ADAP1: variants seen among roughly 807,000 people sequenced by gnomAD.
The protein encoded by ADAP1 is arf-GAP with dual PH domain-containing protein 1.
In ADAP1, 31 loss-of-function variants were observed where a neutral mutation model predicts 54.9. The observed-to-expected ratio is 0.56, with a 90% CI of 0.42 to 0.76. The LOEUF is 0.76. Ranked by LOEUF, ADAP1 falls within the 30% of genes least tolerant of loss-of-function variation. ADAP1 has a pLI of 0.00. For synonymous variants in ADAP1, 313 were observed against 202.6 expected, an observed-to-expected ratio of 1.55 and a Z score of -4.63; for missense variants, 535 against 512.4, an observed-to-expected ratio of 1.04 and a Z score of -0.42.
Position 951,321 on chromosome 7 carries a change from C to T in ADAP1, c.82+3075G>A, listed in dbSNP as rs576759606. Among the ~76,000 whole-genome samples the T allele has an allele frequency of 8.0e-5, 12 of 150,388 alleles. No individual in the cohort carries two copies. The East Asian group carries it at 2.2e-3, about 27-fold the overall frequency. ...CTGGGAGGGGGAGCTTGCAGTGAGC[C>T]GAGATCGCACCACTGCAGTCCAGCC... On this transcript the variant is annotated intron_variant, in intron 1 of 10. Transcript: ENST00000265846.
intron 4 of ADAP1, among the ~76,000 whole-genome samples, chr7:905,926 GAAAGGAGA>G (rs1845257703): frequency 0.056 from 13 of 232 alleles, 6 homozygotes; most frequent in South Asian, 0.33. Context: ...GAGAAAGGGA[GAAAGGAGA>G]AAGGGAGAAA....
chr7:906,797 A>ATGGGTGACACG lies in ADAP1; in HGVS notation c.389-1626_389-1625insCGTGTCACCCA, dbSNP rs879621135. Among the ~76,000 whole-genome samples the ATGGGTGACACG allele has an allele frequency of 9.4e-4, 35 of 37,336 alleles. 1 individual carries two copies. The highest frequency in any genetic ancestry group is 2.6e-3 in the African/African-American group (20 of 7,628). The allele number at this position is 37,336 out of a possible 152,430, so 24.5% of individuals were successfully genotyped here. A position where few individuals can be genotyped will look rare whatever the true frequency, so the allele number is the denominator to read the frequency against. On this transcript the variant is annotated intron_variant, in intron 4 of 10. Coordinates refer to ENST00000265846, the MANE Select transcript of ADAP1 (RefSeq NM_006869.4). ...GGACAGGGGACACGGGGGACGGGAC[A>ATGGGTGACACG]GGGGACATGGGGGGACATGGGTCAG...
intron 2 of ADAP1, among the ~76,000 whole-genome samples, chr7:928,878 A>G (rs998682932): frequency 6.6e-6 from 1 of 152,270 alleles, no homozygotes; most frequent in African/African-American, 2.4e-5. Flanking sequence ...AGACATGCAC[A>G]TGAGTGTTCA....
intron 2 of ADAP1, among the ~76,000 whole-genome samples, chr7:930,515 A>AT (rs1846539063): frequency 4.1e-5 from 6 of 145,704 alleles, no homozygotes; most frequent in African/African-American, 7.5e-5. Context: ...ATCACTACAA[A>AT]ATTTTTTTTT....
chr7:922,213 C>T (rs770408779), intron 3 of ADAP1, among the ~76,000 whole-genome samples: 5 of 152,182 alleles, frequency 3.3e-5, no homozygotes, highest in African/African-American at 1.2e-4. Flanking sequence ...GACGGAGAGC[C>T]ACCAGGAAAG....
At chr7:906,731 G>C (rs1367226353) in intron 4 of ADAP1, among the ~76,000 whole-genome samples, 3 of 29,266 alleles carry the variant, frequency 1.0e-4, no homozygotes, top group African/African-American at 5.2e-4. Flanking sequence ...GACGGGACAT[G>C]GGGGACAGAG....
Position 926,607 on chromosome 7 carries a change from C to G in ADAP1, c.251G>C (p.Arg84Thr), listed in dbSNP as rs549917492. Reference sequence around the variant, plus strand: ...GAAGGAGGGTACTTTGGACTCAAACCTGGCTCTCGCGGCGTCGTTCCCGTG... The same window carrying G: ...GAAGGAGGGTACTTTGGACTCAAACGTGGCTCTCGCGGCGTCGTTCCCGTG... ...ASHGNDAARA[R>T]FESKVPSFYY... Residue 84 changes from arginine to threonine, a missense_variant, in exon 3 of 11, where the codon AGG (arginine) becomes ACG (threonine). By Grantham distance (71) the Arg-to-Thr change is moderately conservative (BLOSUM62 -1). Coordinates refer to ENST00000265846, the MANE Select transcript of ADAP1 (RefSeq NM_006869.4). The surrounding 1 kb of genome is among the most constrained non-coding windows in gnomAD (Gnocchi z 4.6). 15 of 1,546,266 alleles carry G rather than the reference C, an allele frequency of 9.7e-6. No individual in the cohort carries two copies. The highest frequency in any genetic ancestry group is 1.7e-4 in the Middle Eastern group (1 of 5,950).
intron 4 of ADAP1, among the ~76,000 whole-genome samples, chr7:907,230 G>C (rs1228781579): frequency 6.6e-6 from 1 of 152,138 alleles, no homozygotes; most frequent in Non-Finnish European, 1.5e-5. Flanking sequence ...CTAAGCACCT[G>C]GACACGCCAC....
At chr7:900,297 G>A (rs1211810885) in intron 7 of ADAP1, 133 bp from the exon 8 acceptor site, 1 of 1,147,844 alleles carries the variant, frequency 8.7e-7, no homozygotes, top group Non-Finnish European at 1.3e-6. Flanking sequence ...AGCCTCCGCA[G>A]GATCCACATT....
Position 920,080 on chromosome 7 carries a change from G to A in ADAP1, c.306-30C>T, listed in dbSNP as rs369212266. On this transcript the variant is annotated intron_variant, in intron 3 of 10. Coordinates refer to ENST00000265846, the MANE Select transcript of ADAP1 (RefSeq NM_006869.4). The surrounding 1 kb of genome is among the most constrained non-coding windows in gnomAD (Gnocchi z 4.5). Reference sequence around the variant, plus strand: ...GGGGAGAGGAGAGACTGAGCCACTGGGCCAAGGCGGCCTCCGACCCAGCAC... The same window carrying A: ...GGGGAGAGGAGAGACTGAGCCACTGAGCCAAGGCGGCCTCCGACCCAGCAC... The A allele has an allele frequency of 4.4e-6, 7 of 1,594,258 alleles. No individual in the cohort carries two copies. The highest frequency in any genetic ancestry group is 1.7e-5 in the Admixed American group (1 of 59,570).
chr7:919,150 A>AC (rs1846057498), intron 4 of ADAP1, among the ~76,000 whole-genome samples: 1 of 152,186 alleles, frequency 6.6e-6, no homozygotes, highest in Non-Finnish European at 1.5e-5. Flanking sequence ...CCCCAAGGGC[A>AC]CCCAGGCAGG....
intron 6 of ADAP1, 93 bp from the exon 7 acceptor site, chr7:900,709 C>T (rs1583114415): frequency 1.2e-6 from 1 of 842,534 alleles, no homozygotes; most frequent in Non-Finnish European, 1.7e-6. Context: ...GGGGCCGCTT[C>T]CCCCAGAGCC....
At chr7:911,498 G>C (rs1294673343) in intron 4 of ADAP1, among the ~76,000 whole-genome samples, 1 of 152,024 alleles carries the variant, frequency 6.6e-6, no homozygotes, top group African/African-American at 2.4e-5. Flanking sequence ...CCCAAGAACA[G>C]CGAACCCTGA....
At chr7:935,838 C>T (rs1008569746) in intron 1 of ADAP1, among the ~76,000 whole-genome samples, 7 of 152,192 alleles carry the variant, frequency 4.6e-5, no homozygotes, top group Non-Finnish European at 1.0e-4. Context: ...ACCCGGCACT[C>T]GTGAGGATGG....
In ADAP1 at chr7:926,183, G is replaced by C. The variant is rs577314206; in HGVS notation, c.305+370C>G. ...CGGTACCCACGTCCGCTCCCGCCCT[G>C]AGGAGCCAGGGCAGGCCCCGAAACA... On this transcript the variant is annotated intron_variant, in intron 3 of 10. Coordinates refer to ENST00000265846, the MANE Select transcript of ADAP1 (RefSeq NM_006869.4). This position sits in a 1 kb window ranked among gnomAD's most constrained non-coding sequence, Gnocchi z 4.6. Among the ~76,000 whole-genome samples the C allele has an allele frequency of 4.2e-5, 6 of 143,390 alleles. No individual in the cohort carries two copies. The East Asian group carries it at 1.3e-3, about 32-fold the overall frequency. The allele number at this position is 143,390 out of a possible 152,430, so 94.1% of individuals were successfully genotyped here. A position where few individuals can be genotyped will look rare whatever the true frequency, so the allele number is the denominator to read the frequency against.
chr7:953,549 G>A (rs1847317260), intron 1 of ADAP1, among the ~76,000 whole-genome samples: 1 of 152,230 alleles, frequency 6.6e-6, no homozygotes, highest in Non-Finnish European at 1.5e-5. Context: ...TTAGACTATT[G>A]GCCCCCAGAT....
In ADAP1 at chr7:899,169, G is replaced by A; in HGVS notation, c.960C>T (p.His320=). ...TGACGATGGTGATGCCATGTGGCCA[G>A]TGGTGGCCCTGGGTGGACGGCGGGA... ...HGFPPSTQGH[H]WPHGITIVTP... Residue 320 remains histidine (H), a synonymous_variant, in exon 10 of 11, where the codon CAC becomes CAT. Coordinates refer to ENST00000265846, the MANE Select transcript of ADAP1 (RefSeq NM_006869.4). 1 of 1,612,014 alleles carries A rather than the reference G, an allele frequency of 6.2e-7. No homozygotes were observed. The highest frequency in any genetic ancestry group is 8.5e-7 in the Non-Finnish European group (1 of 1,179,974).
At chr7:934,405 T>A (rs1338024368) in intron 2 of ADAP1, among the ~76,000 whole-genome samples, 2 of 151,438 alleles carry the variant, frequency 1.3e-5, no homozygotes, top group Non-Finnish European at 2.9e-5. Flanking sequence ...GGGCCCAGGG[T>A]CAATGGTGCT....
chr7:914,690 G>A (rs938151997), intron 4 of ADAP1, among the ~76,000 whole-genome samples: 5 of 152,186 alleles, frequency 3.3e-5, no homozygotes, highest in Non-Finnish European at 7.4e-5. Context: ...AGCTAGGTCT[G>A]TGGGAGAGGT....
Sources: gnomAD v4.1 joint callset for allele counts (sites outside exome capture counted in the v4.1 genomes callset) on GRCh38, gnomAD v4.1.1 for gene constraint, Gnocchi (gnomAD v3.1) non-coding constraint, MANE v1.5 for transcripts, NCBI Gene and HGNC (gene_info 2026-07-23, HGNC 2026-07-21) for gene names.